Variants in ZMYM2 observed in about 807,000 individuals in gnomAD.
ZMYM2 encodes the protein zinc finger MYM-type containing 2.
In ZMYM2, 56 loss-of-function variants were observed where a neutral mutation model predicts 162.8. The ratio of observed to expected loss-of-function variants is 0.34; its 90% CI spans 0.28 to 0.43. ZMYM2 has a LOEUF of 0.43. Among genes scored for constraint, ZMYM2 ranks in the 20% least tolerant of loss-of-function variants. The pLI is 1.00. For missense variants in ZMYM2, 1,275 were observed against 1,621.8 expected, an observed-to-expected ratio of 0.79 and a Z score of 3.67; for synonymous variants, 510 against 541.6, an observed-to-expected ratio of 0.94 and a Z score of 0.81.
At chr13:19,972,999 C>T (rs893866222) in intron 2 of ZMYM2, among the ~76,000 whole-genome samples, 1 of 150,466 alleles carries the variant, frequency 6.6e-6, no homozygotes, top group African/African-American at 2.4e-5. Flanking sequence ...TGCAGTGGTG[C>T]GATCTCGGCT....
At chr13:20,007,325 C>T (rs763819920) in intron 6 of ZMYM2, among the ~76,000 whole-genome samples, 1 of 151,870 alleles carries the variant, frequency 6.6e-6, no homozygotes, top group East Asian at 1.9e-4. Context: ...TTAGTAGAAA[C>T]GGGGTTTCAC....
chr13:19,886,076 C>G, the ZMYM2 span, among the ~76,000 whole-genome samples: 2 of 147,118 alleles, frequency 1.4e-5, no homozygotes, highest in Non-Finnish European at 3.0e-5. Context: ...CTATATCCAT[C>G]TTTTATCTAC....
upstream of ZMYM2, among the ~76,000 whole-genome samples, chr13:19,953,930 A>T (rs1798973656): frequency 6.6e-6 from 1 of 151,594 alleles, no homozygotes; most frequent in South Asian, 2.1e-4. Context: ...AATATACTAG[A>T]ATGGATAATA....
At chr13:20,038,621 T>C (rs763013372) in intron 12 of ZMYM2, among the ~76,000 whole-genome samples, 1 of 152,154 alleles carries the variant, frequency 6.6e-6, no homozygotes, top group Non-Finnish European at 1.5e-5. Context: ...TTCTGTTCCA[T>C]TGGTCTATGT....
chr13:20,032,483 A>C (rs1359333685), intron 10 of ZMYM2, among the ~76,000 whole-genome samples: 1 of 150,826 alleles, frequency 6.6e-6, no homozygotes, highest in Admixed American at 6.6e-5. Flanking sequence ...TAGAAGATGT[A>C]GTATTAACAC....
At chr13:20,000,273 AGGTT>A (rs1266159340) in intron 3 of ZMYM2, among the ~76,000 whole-genome samples, 2 of 152,224 alleles carry the variant, frequency 1.3e-5, no homozygotes. Flanking sequence ...AAGCTAGTAA[AGGTT>A]GGTTCATGAG....
intron 2 of ZMYM2, among the ~76,000 whole-genome samples, chr13:19,976,336 A>AAAG (rs1566194555): frequency 1.5e-4 from 22 of 150,352 alleles, no homozygotes; most frequent in South Asian, 4.2e-4. Context: ...CAAAAAAAAA[A>AAAG]AAAGAAAGAA....
chr13:20,040,416 G>T (rs963302225), intron 12 of ZMYM2, among the ~76,000 whole-genome samples: 1 of 152,064 alleles, frequency 6.6e-6, no homozygotes, highest in Non-Finnish European at 1.5e-5. Flanking sequence ...TTGTATTTCT[G>T]TGAGGGTAGT....
the ZMYM2 span, among the ~76,000 whole-genome samples, chr13:19,940,730 C>G: frequency 1.3e-5 from 2 of 152,198 alleles, no homozygotes; most frequent in Non-Finnish European, 2.9e-5. Context: ...GACATTTTCT[C>G]AGTGCACTAC....
At chr13:20,077,729 A>G (rs1431370115) in intron 21 of ZMYM2, among the ~76,000 whole-genome samples, 1 of 152,144 alleles carries the variant, frequency 6.6e-6, no homozygotes, top group Admixed American at 6.5e-5. Context: ...GCTTTGGGGT[A>G]TTGAGGCTGA....
At chr13:20,068,011 G>A (rs558984545) in intron 21 of ZMYM2, 1 of 167,112 alleles carries the variant, frequency 6.0e-6, no homozygotes, top group Admixed American at 6.4e-5. Context: ...GCTAACAGGT[G>A]TTAGATAATG....
intron 2 of ZMYM2, among the ~76,000 whole-genome samples, chr13:19,962,103 A>G (rs17074517): frequency 0.012 from 1,854 of 152,278 alleles, 50 homozygotes; most frequent in African/African-American, 0.042. Flanking sequence ...ACAATCCTGA[A>G]TCACTCAAGT....
At chr13:19,905,403 C>T in the ZMYM2 span, among the ~76,000 whole-genome samples, 6 of 152,256 alleles carry the variant, frequency 3.9e-5, no homozygotes, top group East Asian at 3.9e-4. Flanking sequence ...GGTTAGGCAA[C>T]GCCTAGAGAT....
the ZMYM2 span, among the ~76,000 whole-genome samples, chr13:19,887,495 C>T: frequency 6.6e-6 from 1 of 150,850 alleles, no homozygotes; most frequent in Non-Finnish European, 1.5e-5. Context: ...TGCCACTGCA[C>T]TCCAGCCTGG....
rs1262301043 is a variant in ZMYM2 at position 19,993,287 on chromosome 13, C to T, written c.215C>T (p.Ser72Phe). ...GAACCTGTACAACCTCCCCCACCTT[C>T]TGTACCAGTGGTAGCTGATCAAAGA... The part of the protein sequence containing the change: ...FIEPVQPPPP[S>F]VPVVADQRTI... The change falls in exon 3 of 25, where the codon TCT becomes TTT. Residue 72 changes from serine to phenylalanine, a missense_variant. Ser to Phe is a radical substitution (Grantham distance 155, BLOSUM62 -2). Around this residue, in one of 10 missense-constraint regions of ZMYM2, gnomAD observed 295 missense variants for 286.7 expected, o/e 1.03. Transcript: ENST00000610343. 2 of 1,613,970 alleles carry T rather than the reference C, an allele frequency of 1.2e-6. No homozygotes were observed. The highest frequency in any genetic ancestry group is 2.2e-5 in the South Asian group (2 of 91,074).
chr13:19,885,864 T>TATATATATGTATACACAC, the ZMYM2 span, among the ~76,000 whole-genome samples: 4 of 37,734 alleles, frequency 1.1e-4, 2 homozygotes, highest in Admixed American at 7.7e-4. Flanking sequence ...AAAAAAAAAA[T>TATATATATGTATACACAC]ATATATATGT....
At chr13:19,874,529 G>A in the ZMYM2 span, among the ~76,000 whole-genome samples, 3 of 152,106 alleles carry the variant, frequency 2.0e-5, no homozygotes, top group African/African-American at 4.8e-5. Context: ...CACATTGCCC[G>A]GCTCATTCCA....
chr13:20,005,427 A>G (rs1950666092), intron 5 of ZMYM2, among the ~76,000 whole-genome samples, 188 bp downstream of exon 5: 1 of 152,108 alleles, frequency 6.6e-6, no homozygotes, highest in Admixed American at 6.6e-5. Context: ...CCTTTTATAT[A>G]ATCTGATTCT....
At chr13:20,031,915 G>T (rs1195530667) in intron 10 of ZMYM2, among the ~76,000 whole-genome samples, 1 of 134,088 alleles carries the variant, frequency 7.5e-6, no homozygotes, top group Non-Finnish European at 1.5e-5. Context: ...GTGTTGCCCA[G>T]GCTGGAGTGC....
Sources: allele counts gnomAD v4.1 joint callset (sites outside exome capture counted in the v4.1 genomes callset), GRCh38; gene constraint gnomAD v4.1.1; regional missense constraint gnomAD v4.1.1; transcripts MANE v1.5; gene names NCBI Gene and HGNC (gene_info 2026-07-23, HGNC 2026-07-21).